MYLK: variants seen among roughly 807,000 people sequenced by gnomAD.
MYLK encodes the protein myosin light chain kinase, also known as myosin light chain kinase, smooth muscle.
MYLK carries 106 observed loss-of-function variants against 203.4 expected under a neutral mutation model. The ratio of observed to expected loss-of-function variants is 0.52; its 90% CI spans 0.45 to 0.61. The LOEUF is 0.61. Among genes scored for constraint, MYLK ranks in the 20% least tolerant of loss-of-function variants. MYLK has a pLI of 0.00. For synonymous variants in MYLK, 867 were observed against 959.5 expected (o/e 0.90, Z 1.78); for missense variants, 2,072 against 2,442.3 (o/e 0.85, Z 3.20).
At chr3:123,632,769 T>G (rs1030381340) in intron 29 of MYLK, among the ~76,000 whole-genome samples, 3 of 152,142 alleles carry the variant, frequency 2.0e-5, no homozygotes, top group Non-Finnish European at 4.4e-5. Context: ...AACTTTTTCT[T>G]TGTGGCAGAA....
chr3:123,762,042 T>C (rs1560185310), intron 4 of MYLK, among the ~76,000 whole-genome samples: 1 of 151,960 alleles, frequency 6.6e-6, no homozygotes, highest in Non-Finnish European at 1.5e-5. Context: ...AATATATATA[T>C]TTTTATCCTC....
Position 123,732,905 on chromosome 3 carries a change from G to A in MYLK, c.1507C>T (p.Gln503Ter), listed in dbSNP as rs2062533263. ...QGQLSCSWTL[Q>*]VERLAVMEVA... ...GGAGAAGTGTACTCACTTTCCACTT[G>A]GAGGGTCCAGCTACAGGACAGCTGG... is the stretch of plus-strand genomic sequence containing the variant. The change falls in exon 11 of 34, where the codon CAA (glutamine) becomes TAA (stop). Residue 503 changes from glutamine to a stop codon, truncating the protein, a stop_gained. Coordinates refer to ENST00000360304, the MANE Select transcript of MYLK (RefSeq NM_053025.4). LOFTEE classifies it high-confidence loss of function. 6.2e-7 allele frequency: 1 copy of A among 1,614,014 alleles called. No homozygotes were observed. Among genetic ancestry groups the A allele is most frequent in the Non-Finnish European group, 8.5e-7 (1 of 1,179,962 alleles).
intron 13 of MYLK, among the ~76,000 whole-genome samples, chr3:123,713,324 C>G (rs1401699218): frequency 1.3e-5 from 2 of 152,110 alleles, no homozygotes; most frequent in Non-Finnish European, 2.9e-5. Flanking sequence ...CCAGGAGAGA[C>G]TTAACTAACG....
intron 3 of MYLK, among the ~76,000 whole-genome samples, chr3:123,817,049 T>C (rs2065772883): frequency 6.6e-6 from 1 of 152,184 alleles, no homozygotes; most frequent in South Asian, 2.1e-4. Flanking sequence ...GATTGGGTAA[T>C]TAAAGCTTCT....
At chr3:123,785,470 C>T (rs2064476911) in intron 4 of MYLK, among the ~76,000 whole-genome samples, 2 of 152,356 alleles carry the variant, frequency 1.3e-5, no homozygotes, top group East Asian at 1.9e-4. Flanking sequence ...CACATTCAAG[C>T]TTGCTGGGAT....
At chr3:123,708,978 T>C (rs1301720440) in intron 14 of MYLK, 83 bp from the exon 15 acceptor site, 31 of 1,213,232 alleles carry the variant, frequency 2.6e-5, no homozygotes, top group Admixed American at 1.1e-4. Context: ...TGCAGTGATA[T>C]TGGATGAAAC....
At chr3:123,869,639 G>A (rs1016631222) in intron 2 of MYLK, among the ~76,000 whole-genome samples, 5 of 152,110 alleles carry the variant, frequency 3.3e-5, no homozygotes, top group African/African-American at 1.2e-4. Context: ...AAGTCGTTTT[G>A]CACTTCTGTT....
Position 123,684,160 on chromosome 3 carries a change from T to C in MYLK, c.3566-1850A>G, listed in dbSNP as rs1002782324. The stretch of plus-strand genomic sequence containing the variant: ...ATAGTTATTTGTCAGCCTCGGTGGA[T>C]CTCAGCCTCAGCTGTATGTTAGAAG... On this transcript the variant is annotated intron_variant, in intron 19 of 33. Coordinates refer to ENST00000360304, the MANE Select transcript of MYLK (RefSeq NM_053025.4). 1.0e-3 allele frequency among the ~76,000 whole-genome samples: 159 copies of C among 152,308 alleles called. 1 individual carries two copies. The highest frequency in any genetic ancestry group is 1.3e-3 in the Non-Finnish European group (88 of 68,026).
At chr3:123,684,290 C>T (rs1490238152) in intron 19 of MYLK, among the ~76,000 whole-genome samples, 1 of 152,054 alleles carries the variant, frequency 6.6e-6, no homozygotes. Flanking sequence ...TGATATTTGG[C>T]CAACAGAAAA....
At chr3:123,835,755 A>G (rs1180562733) in intron 2 of MYLK, 1 of 152,178 alleles carries the variant, frequency 6.6e-6, no homozygotes, top group Non-Finnish European at 1.5e-5. Context: ...CAGGTTATAG[A>G]AACCAGAATC....
At chr3:123,769,316 T>A (rs2063801163) in intron 4 of MYLK, among the ~76,000 whole-genome samples, 1 of 152,220 alleles carries the variant, frequency 6.6e-6, no homozygotes, top group Non-Finnish European at 1.5e-5. Context: ...AAAATGAGAA[T>A]ATTTTAAACC....
Position 123,735,418 on chromosome 3 carries a change from T to C in MYLK, c.755-2A>G, listed in dbSNP as rs1401601168. ...CATACCTATTGGCACTGTCCAAACC[T>C]GGAAAAAGGGGGAAGGGTGGAAAGA... On this transcript the variant is annotated splice_acceptor_variant, in intron 8 of 33. Coordinates refer to ENST00000360304, the MANE Select transcript of MYLK (RefSeq NM_053025.4). LOFTEE classifies it high-confidence loss of function. 6 of 1,613,922 alleles carry C rather than the reference T, an allele frequency of 3.7e-6. No individual in the cohort carries two copies. Among genetic ancestry groups the C allele is most frequent in the Non-Finnish European group, 5.1e-6 (6 of 1,179,916 alleles).
chr3:123,724,544 T>G (rs2062210301), intron 12 of MYLK, among the ~76,000 whole-genome samples: 1 of 152,032 alleles, frequency 6.6e-6, no homozygotes. Flanking sequence ...CAATTCTCAC[T>G]TACCTACCCA....
intron 8 of MYLK, among the ~76,000 whole-genome samples, chr3:123,736,508 C>G (rs1017776889): frequency 3.3e-5 from 5 of 152,032 alleles, no homozygotes; most frequent in African/African-American, 1.2e-4. Flanking sequence ...TCAGCCCGGA[C>G]TTGAGGAACC....
chr3:123,708,173 C>T (rs1161841964), intron 15 of MYLK, among the ~76,000 whole-genome samples, 170 bp from the exon 16 acceptor site: 1 of 152,206 alleles, frequency 6.6e-6, no homozygotes, highest in Non-Finnish European at 1.5e-5. Flanking sequence ...TCTCATTGCA[C>T]ATCCATCTCG....
At chr3:123,721,799 C>T (rs1201581570) in intron 13 of MYLK, among the ~76,000 whole-genome samples, 2 of 148,694 alleles carry the variant, frequency 1.3e-5, no homozygotes, top group African/African-American at 2.5e-5. Flanking sequence ...TCCCCCATAC[C>T]TTTCCATGGC....
intron 24 of MYLK, among the ~76,000 whole-genome samples, chr3:123,652,981 C>A (rs1420504507): frequency 5.9e-5 from 9 of 152,058 alleles, no homozygotes; most frequent in Admixed American, 5.9e-4. Context: ...ACAGGAGGGG[C>A]ACAGAACACA....
At chr3:123,821,612 T>C (rs1360282231) in intron 3 of MYLK, among the ~76,000 whole-genome samples, 2 of 152,292 alleles carry the variant, frequency 1.3e-5, no homozygotes, top group South Asian at 2.1e-4. Context: ...CTTTGTGTTG[T>C]AGGGGCTCAA....
chr3:123,721,102 G>A (rs1244896504), intron 13 of MYLK, among the ~76,000 whole-genome samples: 4 of 152,196 alleles, frequency 2.6e-5, no homozygotes, highest in Non-Finnish European at 4.4e-5. Context: ...GAGAGAATAC[G>A]GGTGAGGTGA....
Sources: gnomAD v4.1 joint callset for allele counts (sites outside exome capture counted in the v4.1 genomes callset) on GRCh38, gnomAD v4.1.1 for gene constraint, MANE v1.5 for transcripts, NCBI Gene and HGNC (gene_info 2026-07-23, HGNC 2026-07-21) for gene names.